SGMS1: variants seen among roughly 807,000 people sequenced by gnomAD.
The protein encoded by SGMS1 is phosphatidylcholine:ceramide cholinephosphotransferase 1.
A neutral mutation model predicts 46.2 loss-of-function variants in SGMS1; 13 were observed. The observed-to-expected ratio is 0.28, with a 90% CI of 0.18 to 0.45. SGMS1 has a LOEUF of 0.45. Among genes scored for constraint, SGMS1 ranks in the 20% least tolerant of loss-of-function variants. The probability of loss-of-function intolerance (pLI) is 1.00; values close to 1 mark genes in which losing one functional copy is unlikely to be tolerated. For synonymous variants in SGMS1, 203 were observed against 187.8 expected (o/e 1.08, Z -0.66); for missense variants, 324 against 519.9 (o/e 0.62, Z 3.66).
intron 9 of SGMS1, among the ~76,000 whole-genome samples, chr10:50,308,584 C>T (rs965555007): frequency 5.9e-5 from 9 of 152,050 alleles, no homozygotes; most frequent in African/African-American, 2.2e-4. Context: ...TTTAACTGTA[C>T]TGCTTTCCAA....
chr10:50,483,750 C>A (rs1365266757), intron 3 of SGMS1, among the ~76,000 whole-genome samples: 1 of 152,062 alleles, frequency 6.6e-6, no homozygotes, highest in Non-Finnish European at 1.5e-5. Flanking sequence ...CACTCAAAAC[C>A]ACACAACTAT....
At chr10:50,407,420 G>A (rs1321011412) in intron 6 of SGMS1, among the ~76,000 whole-genome samples, 1 of 152,110 alleles carries the variant, frequency 6.6e-6, no homozygotes, top group Non-Finnish European at 1.5e-5. Context: ...TAAGAATTCT[G>A]TCTGCCTAAC....
At chr10:50,574,963 G>GTATGTATATATATATATATATATA (rs1554793450) in intron 2 of SGMS1, among the ~76,000 whole-genome samples, 7 of 99,872 alleles carry the variant, frequency 7.0e-5, no homozygotes, top group Admixed American at 3.5e-4. Context: ...AAAATGTGGT[G>GTATGTATATATATATATATATATA]TATATATATA....
intron 6 of SGMS1, among the ~76,000 whole-genome samples, chr10:50,413,033 T>C (rs1849122213): frequency 6.6e-6 from 1 of 152,232 alleles, no homozygotes; most frequent in African/African-American, 2.4e-5. Context: ...CTTCCTTATA[T>C]ATCCTCCTTC....
intron 2 of SGMS1, among the ~76,000 whole-genome samples, chr10:50,563,429 C>T (rs949423147): frequency 1.3e-5 from 2 of 152,208 alleles, no homozygotes; most frequent in Non-Finnish European, 2.9e-5. Flanking sequence ...CTAAAAACCA[C>T]GTTAAATCCT....
intron 6 of SGMS1, among the ~76,000 whole-genome samples, chr10:50,368,836 T>G (rs1018502276): frequency 3.9e-5 from 6 of 152,200 alleles, no homozygotes; most frequent in Non-Finnish European, 7.4e-5. Context: ...AGATAAAAGA[T>G]TTGAACAAAC....
intron 7 of SGMS1, among the ~76,000 whole-genome samples, chr10:50,331,911 C>T (rs150153990): frequency 2.6e-5 from 4 of 152,322 alleles, no homozygotes; most frequent in African/African-American, 4.8e-5. Flanking sequence ...TCAGCCTGCA[C>T]CTTGAGCTTG....
intron 8 of SGMS1, among the ~76,000 whole-genome samples, chr10:50,315,957 A>T (rs1847330768): frequency 6.6e-6 from 1 of 152,222 alleles, no homozygotes; most frequent in Non-Finnish European, 1.5e-5. Context: ...AGGAAGAGGG[A>T]AAGGCTTTTG....
At position 50,401,000 on chromosome 10, in the gene SGMS1, A is replaced by C. The variant is rs553138126; in HGVS notation, c.-232+32476T>G. Among the ~76,000 whole-genome samples, 10 of 152,322 alleles carry C rather than the reference A, an allele frequency of 6.6e-5. No individual in the cohort carries two copies. In the South Asian group the frequency reaches 2.1e-3, roughly 32 times the overall value. On this transcript the variant is annotated intron_variant, in intron 6 of 10. Coordinates refer to ENST00000361781, the MANE Select transcript of SGMS1 (RefSeq NM_147156.4). ...GTGTGACCAGACCAATGGCAGAGAC[A>C]CAAACTGTTTGAAATAAACACTTAT... is the stretch of plus-strand genomic sequence containing the variant.
chr10:50,333,775 C>A (rs1847665933), intron 7 of SGMS1, among the ~76,000 whole-genome samples: 1 of 152,118 alleles, frequency 6.6e-6, no homozygotes, highest in Admixed American at 6.5e-5. Context: ...TTCCTAGGTA[C>A]CCATACAGGG....
chr10:50,622,377 G>A (rs905051607), intron 1 of SGMS1, among the ~76,000 whole-genome samples: 2 of 152,022 alleles, frequency 1.3e-5, no homozygotes, highest in Non-Finnish European at 2.9e-5. Flanking sequence ...CCTCTCCTTC[G>A]GCCCACTCAG....
chr10:50,540,397 A>G (rs1838041525), intron 2 of SGMS1, among the ~76,000 whole-genome samples: 2 of 152,204 alleles, frequency 1.3e-5, no homozygotes, highest in Admixed American at 1.3e-4. Context: ...CAGAGTATTT[A>G]GCAGCACTTA....
At chr10:50,471,979 A>G (rs1211745167) in intron 3 of SGMS1, among the ~76,000 whole-genome samples, 1 of 152,208 alleles carries the variant, frequency 6.6e-6, no homozygotes, top group Admixed American at 6.5e-5. Flanking sequence ...CGCACCCAGT[A>G]AAATCATATT....
At chr10:50,517,071 A>G (rs2133782640) in intron 3 of SGMS1, among the ~76,000 whole-genome samples, 1 of 152,268 alleles carries the variant, frequency 6.6e-6, no homozygotes, top group South Asian at 2.1e-4. Context: ...ATTCAAAGGG[A>G]AGAGAAGTGG....
At chr10:50,392,549 T>C (rs1240135619) in intron 6 of SGMS1, among the ~76,000 whole-genome samples, 1 of 152,180 alleles carries the variant, frequency 6.6e-6, no homozygotes, top group Non-Finnish European at 1.5e-5. Flanking sequence ...CAGAGCTGTC[T>C]TCCTCAGGAT....
chr10:50,345,766 A>G (rs1008073802), intron 6 of SGMS1, among the ~76,000 whole-genome samples: 14 of 152,348 alleles, frequency 9.2e-5, no homozygotes, highest in African/African-American at 3.1e-4. Flanking sequence ...TTCTGGAAAT[A>G]TTCCAAAGTA....
chr10:50,400,115 T>G (rs1848911315), intron 6 of SGMS1, among the ~76,000 whole-genome samples: 1 of 152,038 alleles, frequency 6.6e-6, no homozygotes, highest in Non-Finnish European at 1.5e-5. Context: ...AGATGGGTTT[T>G]ACATGGTTGT....
At chr10:50,497,483 G>T (rs952522476) in intron 3 of SGMS1, among the ~76,000 whole-genome samples, 2 of 152,170 alleles carry the variant, frequency 1.3e-5, no homozygotes, top group African/African-American at 2.4e-5. Context: ...GAAGCCAAAA[G>T]GTAAGTGAGT....
chr10:50,605,742 T>G, intron 1 of SGMS1, among the ~76,000 whole-genome samples: 1 of 152,352 alleles, frequency 6.6e-6, no homozygotes, highest in East Asian at 1.9e-4. Context: ...GCACATATTT[T>G]TATTTTCCTT....
Sources: gnomAD v4.1 joint callset for allele counts (sites outside exome capture counted in the v4.1 genomes callset) on GRCh38, gnomAD v4.1.1 for gene constraint, MANE v1.5 for transcripts, NCBI Gene and HGNC (gene_info 2026-07-23, HGNC 2026-07-21) for gene names.